Variants in NCAM2 observed in about 807,000 individuals in gnomAD.
The protein encoded by NCAM2 is N-CAM-2.
A neutral mutation model predicts 98.1 loss-of-function variants in NCAM2; 30 were observed. The observed-to-expected ratio is 0.31, with a 90% CI of 0.23 to 0.41. The LOEUF (loss-of-function observed/expected upper bound fraction) is 0.41, where lower values mean the gene tolerates loss of function less well. NCAM2 is among the 10% of genes least tolerant of loss of function. NCAM2 has a pLI of 1.00. For missense variants in NCAM2, 867 were observed against 1,005.8 expected (o/e 0.86, Z 1.87); for synonymous variants, 368 against 342.4 (o/e 1.07, Z -0.83).
intron 8 of NCAM2, among the ~76,000 whole-genome samples, chr21:21,343,071 T>A (rs2147897656): frequency 6.6e-6 from 1 of 152,300 alleles, no homozygotes; most frequent in Non-Finnish European, 1.5e-5. Context: ...AATTGAAAAG[T>A]CAGAAGAAGC....
At chr21:21,238,102 C>T (rs925601644) in intron 1 of NCAM2, among the ~76,000 whole-genome samples, 6 of 151,732 alleles carry the variant, frequency 4.0e-5, no homozygotes, top group South Asian at 2.1e-4. Flanking sequence ...ACTACAGGAA[C>T]GTGCCACCAC....
intron 9 of NCAM2, among the ~76,000 whole-genome samples, chr21:21,385,886 C>A (rs2076261226): frequency 6.6e-6 from 1 of 152,018 alleles, no homozygotes; most frequent in Admixed American, 6.6e-5. Flanking sequence ...ACTAACAATG[C>A]ATGCTAAGAA....
At chr21:21,348,151 T>G (rs1226846832) in intron 8 of NCAM2, among the ~76,000 whole-genome samples, 3 of 152,036 alleles carry the variant, frequency 2.0e-5, no homozygotes, top group Non-Finnish European at 2.9e-5. Flanking sequence ...GACATCCAAA[T>G]TGGAAAGGAA....
intron 1 of NCAM2, among the ~76,000 whole-genome samples, chr21:21,026,618 T>C (rs2064551028): frequency 7.1e-6 from 1 of 140,844 alleles, no homozygotes; most frequent in Non-Finnish European, 1.6e-5. Flanking sequence ...CGAGTGAAAC[T>C]CCGTCTCAAA....
intron 7 of NCAM2, among the ~76,000 whole-genome samples, 171 bp downstream of exon 7, chr21:21,335,836 G>A (rs1002632958): frequency 1.3e-5 from 2 of 151,982 alleles, no homozygotes; most frequent in African/African-American, 2.4e-5. Context: ...GAAGAATAAC[G>A]TAAAATTACA....
intron 1 of NCAM2, among the ~76,000 whole-genome samples, chr21:21,198,201 TG>T (rs1316611133): frequency 1.1e-4 from 16 of 146,890 alleles, no homozygotes; most frequent in African/African-American, 4.1e-4. Flanking sequence ...TGTGTGTGTG[TG>T]TGTGTGTGTG....
chr21:21,358,727 G>A (rs1241248452), intron 8 of NCAM2, among the ~76,000 whole-genome samples: 3 of 151,950 alleles, frequency 2.0e-5, no homozygotes, highest in Non-Finnish European at 4.4e-5. Context: ...GTGATAGCAG[G>A]TAAATTGTTA....
chr21:21,124,419 A>G (rs2066744004), intron 1 of NCAM2, among the ~76,000 whole-genome samples: 2 of 152,146 alleles, frequency 1.3e-5, no homozygotes, highest in Admixed American at 1.3e-4. Flanking sequence ...TTTTTTCATC[A>G]CCTGAAACAG....
chr21:21,065,799 C>T (rs141989747), intron 1 of NCAM2, among the ~76,000 whole-genome samples: 207 of 152,124 alleles, frequency 1.4e-3, no homozygotes, highest in African/African-American at 4.6e-3. Context: ...ATTTACAAAA[C>T]GGTTTATATG....
At chr21:21,267,145 A>T (rs1568860436) in intron 1 of NCAM2, among the ~76,000 whole-genome samples, 1 of 152,198 alleles carries the variant, frequency 6.6e-6, no homozygotes, top group African/African-American at 2.4e-5. Context: ...CATACTGCAC[A>T]GTTTAATATT....
chr21:21,364,072 A>G (rs1301215927), intron 8 of NCAM2, among the ~76,000 whole-genome samples: 2 of 152,074 alleles, frequency 1.3e-5, no homozygotes, highest in African/African-American at 4.8e-5. Flanking sequence ...AAAGCAACTC[A>G]GTGGAGTTCA....
At chr21:21,044,387 AAG>A (rs1234946316) in intron 1 of NCAM2, among the ~76,000 whole-genome samples, 1 of 152,194 alleles carries the variant, frequency 6.6e-6, no homozygotes, top group African/African-American at 2.4e-5. Context: ...AGAGCAACAG[AAG>A]AGTAGGGTTT....
intron 1 of NCAM2, among the ~76,000 whole-genome samples, chr21:21,235,180 CT>C (rs199910404): frequency 1.3e-5 from 2 of 151,440 alleles, no homozygotes; most frequent in Non-Finnish European, 2.9e-5. Context: ...TTTTAACATG[CT>C]TTAGTAAGAA....
At chr21:21,530,671 C>T (rs1989642667) in intron 16 of NCAM2, among the ~76,000 whole-genome samples, 2 of 151,884 alleles carry the variant, frequency 1.3e-5, no homozygotes, top group South Asian at 4.1e-4. Context: ...GCACATAAAT[C>T]TCTTCCTCAT....
chr21:21,106,073 A>C (rs2146507335), intron 1 of NCAM2, among the ~76,000 whole-genome samples: 1 of 152,098 alleles, frequency 6.6e-6, no homozygotes, highest in Admixed American at 6.6e-5. Flanking sequence ...GTATTTACCA[A>C]AAAAAGGACA....
chr21:21,216,710 G>C (rs988141667), intron 1 of NCAM2, among the ~76,000 whole-genome samples: 2 of 152,184 alleles, frequency 1.3e-5, no homozygotes, highest in East Asian at 3.9e-4. Context: ...GAATAAGGGG[G>C]ATTTAAGGAT....
chr21:21,217,547 A>G (rs1342671256), intron 1 of NCAM2, among the ~76,000 whole-genome samples: 1 of 152,192 alleles, frequency 6.6e-6, no homozygotes. Context: ...GAATTCTGAA[A>G]GTGGTTTCTC....
At chr21:21,370,556 A>G (rs1360588296) in intron 8 of NCAM2, among the ~76,000 whole-genome samples, 1 of 151,884 alleles carries the variant, frequency 6.6e-6, no homozygotes, top group Non-Finnish European at 1.5e-5. Context: ...ATTTGAGTGA[A>G]TGCATTTTTC....
At position 21,540,063 on chromosome 21, in the gene NCAM2, A is replaced by T. The variant is rs1990169232; in HGVS notation, c.*2106A>T. On this transcript the variant is annotated 3_prime_UTR_variant, in exon 18 of 18. Coordinates refer to ENST00000400546, the MANE Select transcript of NCAM2 (RefSeq NM_004540.5). Reference sequence around the variant, plus strand: ...TCTAAATAGGGCCACATGGTTTTAAACTAATGATGGTGAAAGAAATACGAT... The same window carrying T: ...TCTAAATAGGGCCACATGGTTTTAATCTAATGATGGTGAAAGAAATACGAT... 1 of 152,094 alleles carries T rather than the reference A, an allele frequency of 6.6e-6. No individual in the cohort carries two copies. The highest frequency in any genetic ancestry group is 1.5e-5 in the Non-Finnish European group (1 of 68,004). The allele number at this position is 152,094 out of a possible 1,614,324, so 9.4% of individuals were successfully genotyped here.
Sources: allele counts gnomAD v4.1 joint callset (sites outside exome capture counted in the v4.1 genomes callset), GRCh38; gene constraint gnomAD v4.1.1; transcripts MANE v1.5; gene names NCBI Gene and HGNC (gene_info 2026-07-23, HGNC 2026-07-21).